FRMD7: variants seen among roughly 807,000 people sequenced by gnomAD.
The protein encoded by FRMD7 is FERM domain-containing protein 7.
A neutral mutation model predicts 44.1 loss-of-function variants in FRMD7; 14 were observed. The observed-to-expected ratio is 0.32, with a 90% CI of 0.21 to 0.50. The LOEUF (loss-of-function observed/expected upper bound fraction) is 0.50, where lower values mean the gene tolerates loss of function less well. FRMD7 is among the 20% of genes least tolerant of loss of function. The pLI is 0.99. For synonymous variants in FRMD7, 212 were observed against 187.4 expected, an observed-to-expected ratio of 1.13 and a Z score of -1.07; for missense variants, 501 against 522.3, an observed-to-expected ratio of 0.96 and a Z score of 0.40.
At chrX:132,111,810 GA>G (rs1928784306) in intron 1 of FRMD7, among the ~76,000 whole-genome samples, 2 of 111,938 alleles carry the variant, frequency 1.8e-5, no homozygotes, top group Non-Finnish European at 3.8e-5. Flanking sequence ...CAGTTATGCT[GA>G]TTTAATTTTA....
At chrX:132,081,882 C>T (rs985014060) in intron 9 of FRMD7, among the ~76,000 whole-genome samples, 4 of 111,836 alleles carry the variant, frequency 3.6e-5, no homozygotes, top group Non-Finnish European at 7.5e-5. Context: ...ACCATTAACT[C>T]GAAAGACAAG....
intron 1 of FRMD7, among the ~76,000 whole-genome samples, chrX:132,123,712 C>T (rs1255850022): frequency 3.6e-5 from 4 of 112,426 alleles, no homozygotes; most frequent in Non-Finnish European, 7.5e-5. Context: ...TGGCCTTTAT[C>T]ATGGGCTCCC....
chrX:132,097,899 A>T (rs1461651913), intron 3 of FRMD7, among the ~76,000 whole-genome samples: 1 of 112,786 alleles, frequency 8.9e-6, no homozygotes, highest in African/African-American at 3.2e-5. Flanking sequence ...CAGCATTAAC[A>T]CCATTGATTC....
In FRMD7 at chrX:132,123,181, AC is replaced by A. The variant is rs1240334534; in HGVS notation, c.57+4606del. Among the ~76,000 whole-genome samples, 3 of 111,348 alleles carry A rather than the reference AC, an allele frequency of 2.7e-5. No homozygotes were observed. The Admixed American group carries it at 2.9e-4, about 11-fold the overall frequency. ...TGTTCTTCTGGAAGTTTTTCCTGGC[AC>A]CCCAAGTCTAGGATTTACAGTTGAC... On this transcript the variant is annotated intron_variant, in intron 1 of 11. Coordinates refer to ENST00000298542, the MANE Select transcript of FRMD7 (RefSeq NM_194277.3).
At chrX:132,096,187 A>G (rs924656309) in intron 4 of FRMD7, among the ~76,000 whole-genome samples, 1 of 111,823 alleles carries the variant, frequency 8.9e-6, no homozygotes, top group Non-Finnish European at 1.9e-5. Context: ...GGAGAGAGAA[A>G]GACAGAAAGA....
intron 1 of FRMD7, among the ~76,000 whole-genome samples, chrX:132,127,365 C>A (rs920105036): frequency 3.6e-5 from 4 of 111,871 alleles, no homozygotes; most frequent in African/African-American, 1.3e-4. Flanking sequence ...CCCTTATAAC[C>A]CATAGGTTTT....
intron 4 of FRMD7, among the ~76,000 whole-genome samples, chrX:132,095,483 CT>C (rs1370161100): frequency 2.7e-5 from 3 of 111,850 alleles, no homozygotes; most frequent in African/African-American, 6.5e-5. Context: ...TCTATGTGTA[CT>C]TTTTTTAAAA....
chrX:132,082,483 T>C lies in FRMD7; in HGVS notation c.785A>G (p.Asp262Gly). 6.6e-6 allele frequency: 8 copies of C among 1,210,967 alleles called. No individual in the cohort carries two copies. Among genetic ancestry groups the C allele is most frequent in the African/African-American group, 1.7e-5 (1 of 57,900 alleles). ...AGTCTTCCAGAAAGCCTTGCAGGCA[T>C]CTCGGCTGGCCATGGTGAACTCCAA... ...DTLEFTMASR[D>G]ACKAFWKTCV... The change falls in exon 9 of 12, where the codon GAT becomes GGT. Residue 262 changes from aspartate (D) to glycine (G), a missense_variant. This residue lies in a region of FRMD7 where 453 missense variants were observed against 452.7 expected (regional missense o/e 1.00). Coordinates refer to ENST00000298542, the MANE Select transcript of FRMD7 (RefSeq NM_194277.3).
At chrX:132,126,203 C>T (rs1929153579) in intron 1 of FRMD7, among the ~76,000 whole-genome samples, 1 of 111,572 alleles carries the variant, frequency 9.0e-6, no homozygotes, top group Admixed American at 9.5e-5. Flanking sequence ...GACAAAGCCA[C>T]TCACAGTACT....
At chrX:132,100,203 C>A (rs1928458934) in intron 2 of FRMD7, among the ~76,000 whole-genome samples, 1 of 112,121 alleles carries the variant, frequency 8.9e-6, no homozygotes, top group Admixed American at 9.4e-5. Flanking sequence ...GCGATGCTGG[C>A]TCACAGCAAC....
At chrX:132,091,712 G>A (rs1231711229) in intron 5 of FRMD7, among the ~76,000 whole-genome samples, 1 of 107,309 alleles carries the variant, frequency 9.3e-6, no homozygotes, top group Non-Finnish European at 1.9e-5. Context: ...GCATGTGCCT[G>A]TAATCCCAGC....
intron 1 of FRMD7, among the ~76,000 whole-genome samples, chrX:132,112,492 G>A (rs922646849): frequency 8.9e-6 from 1 of 111,908 alleles, no homozygotes; most frequent in Non-Finnish European, 1.9e-5. Flanking sequence ...GTTTCCTGGT[G>A]GGGGTAAGCA....
chrX:132,125,413 G>A (rs956453069), intron 1 of FRMD7, among the ~76,000 whole-genome samples: 1 of 111,514 alleles, frequency 9.0e-6, no homozygotes, highest in Admixed American at 9.5e-5. Flanking sequence ...TATCTTGAAG[G>A]ACAATTTTCC....
At chrX:132,111,328 A>G (rs1387145041) in intron 1 of FRMD7, among the ~76,000 whole-genome samples, 3 of 110,946 alleles carry the variant, frequency 2.7e-5, no homozygotes, top group African/African-American at 9.8e-5. Flanking sequence ...GGTAGAGATG[A>G]GCTTTCACCA....
chrX:132,099,575 T>G, intron 2 of FRMD7, 65 bp from the exon 3 acceptor site: 2 of 786,687 alleles, frequency 2.5e-6, no homozygotes, highest in Non-Finnish European at 1.9e-6. Flanking sequence ...TTTTTTTCGG[T>G]AATAGATAAA....
At chrX:132,088,277 T>C (rs1383301576) in intron 5 of FRMD7, among the ~76,000 whole-genome samples, 3 of 112,353 alleles carry the variant, frequency 2.7e-5, no homozygotes, top group African/African-American at 9.7e-5. Context: ...AGGTTGAGCG[T>C]GGTGGCTCAC....
chrX:132,094,167 G>A (rs766138139), intron 4 of FRMD7, 28 bp from the exon 5 acceptor site: 11 of 855,274 alleles, frequency 1.3e-5, no homozygotes, highest in Non-Finnish European at 1.6e-5. Flanking sequence ...AGAATCTCTT[G>A]AGAAAGAAAC....
rs185497620 is a variant in FRMD7 at position 132,125,049 on chromosome X, T to C, written c.57+2739A>G. 2.4e-3 allele frequency among the ~76,000 whole-genome samples: 264 copies of C among 111,866 alleles called. 4 individuals are homozygous for C. The highest frequency in any genetic ancestry group is 0.023 in the Admixed American group (246 of 10,528). ...CCAGATCTGGCTCTTCTGACATCAT[T>C]TGGCATATAAATGATGAGAGGACCC... is the stretch of plus-strand genomic sequence containing the variant. On this transcript the variant is annotated intron_variant, in intron 1 of 11. Coordinates refer to ENST00000298542, the MANE Select transcript of FRMD7 (RefSeq NM_194277.3).
intron 4 of FRMD7, among the ~76,000 whole-genome samples, chrX:132,095,678 C>A (rs1371929516): frequency 8.9e-6 from 1 of 112,120 alleles, no homozygotes; most frequent in Non-Finnish European, 1.9e-5. Context: ...AGAAAAATTA[C>A]ATTTGCACAC....
Sources: allele counts gnomAD v4.1 joint callset (sites outside exome capture counted in the v4.1 genomes callset), GRCh38; gene constraint gnomAD v4.1.1; regional missense constraint gnomAD v4.1.1; transcripts MANE v1.5; gene names NCBI Gene and HGNC (gene_info 2026-07-23, HGNC 2026-07-21).